The following ERI2 variants were observed in gnomAD, a reference collection of about 807,000 sequenced individuals.
The protein encoded by ERI2 is ERI1 exoribonuclease family member 2.
A neutral mutation model predicts 46.8 loss-of-function variants in ERI2; 35 were observed. That is an observed-to-expected ratio of 0.75 (90% CI 0.57 to 0.99). ERI2 has a LOEUF of 0.99. Ranked by LOEUF, ERI2 falls within the 50% of genes least tolerant of loss-of-function variation. The pLI is 0.00. For missense variants in ERI2, 695 were observed against 796.2 expected, an observed-to-expected ratio of 0.87 and a Z score of 1.53; for synonymous variants, 224 against 271.0, an observed-to-expected ratio of 0.83 and a Z score of 1.70.
downstream of ERI2, chr16:20,792,417 A>T (rs1383645641): frequency 1.3e-6 from 2 of 1,579,024 alleles, no homozygotes; most frequent in African/African-American, 2.7e-5. Flanking sequence ...GTGAAACAGA[A>T]TTAACCAAAT....
In ERI2 at chr16:20,798,085, C is replaced by T. The variant is rs370390087; in HGVS notation, c.1715G>A (p.Arg572His). Residue 572 changes from arginine to histidine, a missense_variant, in exon 9 of 9, where the codon CGT becomes CAT. Transcript: ENST00000357967. ...CSPVRSSSWR[R>H]LPSILTSTVN... is the part of the protein sequence containing the mutation. ...TGTAGAAGTTAATATAGATGGGAGA[C>T]GCCTCCAGGAAGAACTTCTTACTGG... 1.0e-4 allele frequency: 159 copies of T among 1,551,348 alleles called. No homozygotes were observed. Among genetic ancestry groups the T allele is most frequent in the African/African-American group, 6.3e-4 (46 of 73,004 alleles).
chr16:20,790,898 C>G lies in ERI2; in HGVS notation c.767G>C (p.Ser256Thr), dbSNP rs1271728062. Residue 256 changes from serine to threonine, a missense_variant, in exon 9 of 11, where the codon AGT becomes ACT. Coordinates refer to the ERI2 transcript ENST00000300005. This position sits in a 1 kb window ranked among gnomAD's most constrained non-coding sequence, Gnocchi z 4.0. ...ATGCTGGTCCCCTGAGGCCAGATCA[C>G]TGTTCCAGGTCCACGAAGGCAAGAG... 2.0e-5 allele frequency: 32 copies of G among 1,614,096 alleles called. No individual in the cohort carries two copies. The highest frequency in any genetic ancestry group is 2.5e-5 in the Non-Finnish European group (29 of 1,179,982).
chr16:20,806,268 G>A (rs988597059), intron 1 of ERI2, 140 bp downstream of exon 1: 3 of 1,437,834 alleles, frequency 2.1e-6, no homozygotes, highest in Middle Eastern at 2.5e-4. Context: ...AACCGTGCCA[G>A]AGAGGGCAGG....
chr16:20,802,923 A>G lies in ERI2; in HGVS notation c.176T>C (p.Ile59Thr). The change falls in exon 4 of 9, where the codon ATT (isoleucine) becomes ACT (threonine). Residue 59 changes from isoleucine (I) to threonine (T), a missense_variant and splice_region_variant. Physicochemically the swap from Ile to Thr is moderately conservative, Grantham distance 89. Coordinates refer to ENST00000357967, the MANE Select transcript of ERI2 (RefSeq NM_001142725.2). ...GTTCAGCAACACTGCTGGAAACTCA[A>G]CTAAATGAAAGAATAATCAATTGAC... Reference protein sequence around the residue: ...DGKHHHSQEIIEFPAVLLNTS... With the variant: ...DGKHHHSQEITEFPAVLLNTS... 1 of 1,582,640 alleles carries G rather than the reference A, an allele frequency of 6.3e-7. No individual in the cohort carries two copies. Among genetic ancestry groups the G allele is most frequent in the Non-Finnish European group, 8.6e-7 (1 of 1,160,664 alleles).
chr16:20,781,844 A>G, intron 10 of ERI2: 1 of 1,334,146 alleles, frequency 7.5e-7, no homozygotes. Flanking sequence ...AGGAAGCTAT[A>G]AAATAAAAGA....
chr16:20,788,751 A>G (rs1272673261), intron 10 of ERI2, among the ~76,000 whole-genome samples: 2 of 152,248 alleles, frequency 1.3e-5, no homozygotes, highest in Non-Finnish European at 2.9e-5. Flanking sequence ...GATTTTATCT[A>G]TATTCCCATC....
chr16:20,789,664 T>G (rs2080550903), intron 9 of ERI2: 1 of 719,510 alleles, frequency 1.4e-6, no homozygotes. Flanking sequence ...AACTGTATAT[T>G]ATAAAGCAAC....
chr16:20,795,690 G>GAGGTACATACTAGTTGTACAACT (rs2080708312), downstream of ERI2, among the ~76,000 whole-genome samples: 1 of 152,202 alleles, frequency 6.6e-6, no homozygotes, highest in Admixed American at 6.5e-5. Flanking sequence ...TCTGGCGTTG[G>GAGGTACATACTAGTTGTACAACT]AGGTACATAC....
In ERI2 at chr16:20,802,656, T is replaced by A. The variant is rs893614377; in HGVS notation, c.303+140A>T. 14 of 980,966 alleles carry A rather than the reference T, an allele frequency of 1.4e-5. No homozygotes were observed. The Admixed American group carries it at 4.6e-4, about 32-fold the overall frequency. 60.8% of individuals were successfully genotyped at this position (980,966 alleles called of 1,614,324 possible). A position where few individuals can be genotyped will look rare whatever the true frequency, so the allele number is the denominator to read the frequency against. On this transcript the variant is annotated intron_variant, in intron 4 of 8. Transcript: ENST00000357967. ...TCAAACTCCTGGCCTCAAGCAATTCTCGAACATCAGCCTGCAAAGTGCTGG... is the reference window on the plus strand; with the variant it reads ...TCAAACTCCTGGCCTCAAGCAATTCACGAACATCAGCCTGCAAAGTGCTGG...
chr16:20,786,253 G>T, intron 10 of ERI2: 2 of 1,483,700 alleles, frequency 1.3e-6, no homozygotes, highest in Non-Finnish European at 9.0e-7. Flanking sequence ...TTGTTATGAT[G>T]GTGATTCCAT....
intron 3 of ERI2, 142 bp downstream of exon 3, chr16:20,803,291 C>CT: frequency 2.1e-6 from 2 of 966,118 alleles, no homozygotes; most frequent in Non-Finnish European, 2.9e-6. Context: ...AGATTTTGCT[C>CT]TTTTTTATTC....
intron 8 of ERI2, chr16:20,791,009 C>T (rs2080585289): frequency 1.4e-6 from 2 of 1,463,940 alleles, no homozygotes; most frequent in Admixed American, 3.8e-5. Context: ...TCCTGAAATC[C>T]AGTTAGTGCT....
chr16:20,793,788 G>A (rs755059829), downstream of ERI2, among the ~76,000 whole-genome samples: 2 of 152,204 alleles, frequency 1.3e-5, no homozygotes, highest in South Asian at 2.1e-4. Context: ...AAGGTTTCAC[G>A]AGTCTTAGCT....
In ERI2 at chr16:20,796,958, T is replaced by C; in HGVS notation, c.*766A>G. 1 of 1,612,542 alleles carries C rather than the reference T, an allele frequency of 6.2e-7. No homozygotes were observed. Among genetic ancestry groups the C allele is most frequent in the African/African-American group, 1.3e-5 (1 of 74,982 alleles). On this transcript the variant is annotated 3_prime_UTR_variant, in exon 9 of 9. Coordinates refer to ENST00000357967, the MANE Select transcript of ERI2 (RefSeq NM_001142725.2). ...AAGAAATGAACTGAGGAAGAAAGAA[T>C]GGAAGACAATTTAAAGTTGTTTCAT...
Position 20,798,103 on chromosome 16 carries a change from C to T in ERI2, c.1697G>A (p.Arg566Lys). The change falls in exon 9 of 9, where the codon AGA (arginine) becomes AAA (lysine). Residue 566 changes from arginine to lysine, a missense_variant. Arg to Lys is a conservative substitution (Grantham distance 26, BLOSUM62 2). Coordinates refer to ENST00000357967, the MANE Select transcript of ERI2 (RefSeq NM_001142725.2). ...TGGGAGACGCCTCCAGGAAGAACTT[C>T]TTACTGGGGAGCAATCAGATGATGT... ...KPTSSDCSPVRSSSWRRLPSI... is the reference protein window; with the variant it reads ...KPTSSDCSPVKSSSWRRLPSI... 6.4e-7 allele frequency: 1 copy of T among 1,551,528 alleles called. No individual in the cohort carries two copies. Among genetic ancestry groups the T allele is most frequent in the Non-Finnish European group, 8.7e-7 (1 of 1,146,904 alleles).
Position 20,798,470 on chromosome 16 carries a change from A to C in ERI2, c.1330T>G (p.Leu444Val), listed in dbSNP as rs1471867632. The C allele has an allele frequency of 1.3e-6, 2 of 1,551,422 alleles. No individual in the cohort carries two copies. Among genetic ancestry groups the C allele is most frequent in the Non-Finnish European group, 1.7e-6 (2 of 1,146,864 alleles). Residue 444 changes from leucine (L) to valine (V), a missense_variant, in exon 9 of 9, where the codon TTA becomes GTA. Transcript: ENST00000357967. ...LEISFNSGERLMVLKELEMSS... is the reference protein window; with the variant it reads ...LEISFNSGERVMVLKELEMSS... ...ATTTCCAATTCTTTCAAAACCATTA[A>C]TCTTTCTCCAGAATTAAATGAAATC...
At chr16:20,791,586 A>C (rs1208147579), downstream of ERI2, among the ~76,000 whole-genome samples, 7 of 152,158 alleles carry the variant, frequency 4.6e-5, no homozygotes, top group African/African-American at 1.7e-4. Context: ...CCTAACTCTA[A>C]TGCTTCTCAA....
In ERI2 at chr16:20,798,695, T is replaced by G; in HGVS notation, c.1105A>C (p.Lys369Gln). Reference sequence around the variant, plus strand: ...AATTCTGAACCAACTGTTGAAGCCTTAGATTTGGTATTAAATGCAAGATGT... The same window carrying G: ...AATTCTGAACCAACTGTTGAAGCCTGAGATTTGGTATTAAATGCAAGATGT... ...NEHLAFNTKS[K>Q]ASTVGSELVL... The change falls in exon 9 of 9, where the codon AAG becomes CAG. Residue 369 changes from lysine (K) to glutamine (Q), a missense_variant. By Grantham distance (53) the Lys-to-Gln change is moderately conservative. Transcript: ENST00000357967. The G allele has an allele frequency of 6.4e-7, 1 of 1,551,668 alleles. No individual in the cohort carries two copies. The highest frequency in any genetic ancestry group is 8.7e-7 in the Non-Finnish European group (1 of 1,146,934).
downstream of ERI2, among the ~76,000 whole-genome samples, chr16:20,791,727 C>T (rs1276817979): frequency 6.6e-6 from 1 of 152,020 alleles, no homozygotes; most frequent in African/African-American, 2.4e-5. Context: ...AGGAGCTCGA[C>T]ACCAGCCTGG....
Sources: allele counts gnomAD v4.1 joint callset (sites outside exome capture counted in the v4.1 genomes callset), GRCh38; gene constraint gnomAD v4.1.1; non-coding constraint Gnocchi (gnomAD v3.1); transcripts MANE v1.5; gene names NCBI Gene and HGNC (gene_info 2026-07-23, HGNC 2026-07-21).